TRAPPC3L: variants seen among roughly 807,000 people sequenced by gnomAD.
The protein encoded by TRAPPC3L is trafficking protein particle complex subunit 3-like protein.
In TRAPPC3L, 23 loss-of-function variants were observed where a neutral mutation model predicts 23.7. That is an observed-to-expected ratio of 0.97 (90% confidence interval 0.70 to 1.37). TRAPPC3L has a LOEUF of 1.37. Among genes scored for constraint, TRAPPC3L ranks in the 40% most tolerant of loss-of-function variants. The pLI, the probability that TRAPPC3L is intolerant of heterozygous loss-of-function variation, is 0.00. For missense variants in TRAPPC3L, 212 were observed against 216.8 expected (o/e 0.98, Z 0.14); for synonymous variants, 81 against 77.9 (o/e 1.04, Z -0.21).
intron 3 of TRAPPC3L, among the ~76,000 whole-genome samples, chr6:116,515,402 T>C (rs76462988): frequency 3.8e-4 from 58 of 152,352 alleles, no homozygotes; most frequent in Non-Finnish European, 7.5e-4. Flanking sequence ...AGAGATTAGG[T>C]AAACCCTAAC....
At chr6:116,511,229 A>G (rs1317499574) in intron 3 of TRAPPC3L, among the ~76,000 whole-genome samples, 1 of 149,298 alleles carries the variant, frequency 6.7e-6, no homozygotes, top group Non-Finnish European at 1.5e-5. Context: ...ATATATATGA[A>G]AAAAGACAGC....
Position 116,495,852 on chromosome 6 carries a change from C to T in TRAPPC3L, c.*1102G>A, listed in dbSNP as rs1251333717. Reference sequence around the variant, plus strand: ...GAAATGTCTATTCAGATCTTTTGCCCATCTTTAATTGGATTATTAATTTTA... The same window carrying T: ...GAAATGTCTATTCAGATCTTTTGCCTATCTTTAATTGGATTATTAATTTTA... On this transcript the variant is annotated 3_prime_UTR_variant, in exon 5 of 5. Coordinates refer to ENST00000368602, the MANE Select transcript of TRAPPC3L (RefSeq NM_001139444.3). 9.7e-6 allele frequency: 1 copy of T among 102,676 alleles called. No homozygotes were observed. Among genetic ancestry groups the T allele is most frequent in the African/African-American group, 3.9e-5 (1 of 25,510 alleles). 6.4% of individuals were successfully genotyped at this position (102,676 alleles called of 1,614,324 possible).
At chr6:116,506,380 A>G (rs948756352) in intron 3 of TRAPPC3L, among the ~76,000 whole-genome samples, 4 of 152,222 alleles carry the variant, frequency 2.6e-5, no homozygotes, top group South Asian at 4.1e-4. Flanking sequence ...GCTGGAGAGG[A>G]TGTGGAGAAG....
rs374037363 is a variant in TRAPPC3L, at chr6:116,533,813, G to T, written c.240+6550C>A. ...TCCTGCTGTGAATTGTGACTGGCAG[G>T]GCATAGAATACCCAGTGGCCTTTCC... On this transcript the variant is annotated intron_variant, in intron 3 of 4. Coordinates refer to ENST00000368602, the MANE Select transcript of TRAPPC3L (RefSeq NM_001139444.3). Among the ~76,000 whole-genome samples the T allele has an allele frequency of 1.6e-3, 243 of 152,246 alleles. 1 individual carries two copies. The highest frequency in any genetic ancestry group is 5.6e-3 in the African/African-American group (233 of 41,562).
intron 3 of TRAPPC3L, among the ~76,000 whole-genome samples, chr6:116,537,837 A>T (rs929849719): frequency 2.0e-5 from 3 of 151,926 alleles, no homozygotes; most frequent in African/African-American, 7.3e-5. Context: ...ACTAATTTTT[A>T]TTGAGTAAAT....
At chr6:116,511,162 A>G (rs2115163556) in intron 3 of TRAPPC3L, among the ~76,000 whole-genome samples, 1 of 143,432 alleles carries the variant, frequency 7.0e-6, no homozygotes, top group East Asian at 2.1e-4. Context: ...ACCAAAACCC[A>G]CTTGTGCTCC....
At position 116,496,314 on chromosome 6, in the gene TRAPPC3L, G is replaced by A. The variant is rs1214218228; in HGVS notation, c.*640C>T. ...ATTTCATGAGAAAAGGAAGGAATTT[G>A]GTTGATGCCAGCTATATTAAAACTA... On this transcript the variant is annotated 3_prime_UTR_variant, in exon 5 of 5. Transcript: ENST00000368602. The A allele has an allele frequency of 6.6e-6, 1 of 152,010 alleles. No homozygotes were observed. Among genetic ancestry groups the A allele is most frequent in the Non-Finnish European group, 1.5e-5 (1 of 67,984 alleles). The allele number at this position is 152,010 out of a possible 1,614,324, so 9.4% of individuals were successfully genotyped here.
chr6:116,542,467 T>C (rs1773524278), intron 2 of TRAPPC3L, among the ~76,000 whole-genome samples: 1 of 152,166 alleles, frequency 6.6e-6, no homozygotes, highest in Admixed American at 6.6e-5. Flanking sequence ...AGCTCTAAAA[T>C]GTTAGGCTAA....
At chr6:116,508,400 T>C (rs1772044510) in intron 3 of TRAPPC3L, among the ~76,000 whole-genome samples, 1 of 152,222 alleles carries the variant, frequency 6.6e-6, no homozygotes. Context: ...AGGGAATCTC[T>C]ACATCTATCA....
intron 3 of TRAPPC3L, among the ~76,000 whole-genome samples, chr6:116,513,864 C>T (rs1334762354): frequency 1.3e-5 from 2 of 152,128 alleles, no homozygotes; most frequent in African/African-American, 4.8e-5. Flanking sequence ...AATTGTCTGG[C>T]GTTGGGTTTG....
intron 3 of TRAPPC3L, among the ~76,000 whole-genome samples, chr6:116,506,241 T>G (rs1377037336): frequency 6.6e-6 from 1 of 152,180 alleles, no homozygotes; most frequent in Admixed American, 6.5e-5. Flanking sequence ...AAGACATTTA[T>G]GCAGCCAACA....
At position 116,543,713 on chromosome 6, in the gene TRAPPC3L, T is replaced by A. The variant is rs1773600796; in HGVS notation, c.43-313A>T. 6.8e-6 allele frequency: 7 copies of A among 1,027,046 alleles called. No homozygotes were observed. In the African/African-American group the frequency reaches 9.8e-5, roughly 14 times the overall value. The allele number at this position is 1,027,046 out of a possible 1,614,324, so 63.6% of individuals were successfully genotyped here. On this transcript the variant is annotated intron_variant, in intron 1 of 4. Transcript: ENST00000368602. ...GAGGACAGTTTTTTAAAAATACTAA[T>A]TTCTAACATAAATTTCTGTTTTTCT...
chr6:116,522,082 T>C (rs1211954571), intron 3 of TRAPPC3L: 1 of 152,200 alleles, frequency 6.6e-6, no homozygotes, highest in African/African-American at 2.4e-5. Context: ...ATATTCTAGC[T>C]TAGGGGTCAG....
In TRAPPC3L at chr6:116,545,660, T is replaced by C; in HGVS notation, c.-146A>G. The C allele has an allele frequency of 1.8e-6, 1 of 567,200 alleles. No individual in the cohort carries two copies. The highest frequency in any genetic ancestry group is 2.9e-6 in the Non-Finnish European group (1 of 340,714). The allele number at this position is 567,200 out of a possible 1,614,324, so 35.1% of individuals were successfully genotyped here. A position where few individuals can be genotyped will look rare whatever the true frequency, so the allele number is the denominator to read the frequency against. On this transcript the variant is annotated 5_prime_UTR_variant, in exon 1 of 5. Coordinates refer to ENST00000368602, the MANE Select transcript of TRAPPC3L (RefSeq NM_001139444.3). ...AGTGCTGCTTCTGCACTCTGCTGCTTTTGCTCTTTGCTGAGCTGAAGAGGG... is the reference window on the plus strand; with the variant it reads ...AGTGCTGCTTCTGCACTCTGCTGCTCTTGCTCTTTGCTGAGCTGAAGAGGG...
At chr6:116,498,521 C>T (rs957704812) in intron 4 of TRAPPC3L, among the ~76,000 whole-genome samples, 1 of 152,182 alleles carries the variant, frequency 6.6e-6, no homozygotes, top group Non-Finnish European at 1.5e-5. Context: ...ACTTTGGTTG[C>T]TATCTGGTTC....
intron 3 of TRAPPC3L, chr6:116,521,646 T>A (rs1772345782): frequency 6.6e-6 from 1 of 152,136 alleles, no homozygotes; most frequent in Admixed American, 6.6e-5. Flanking sequence ...GTCCACTGAT[T>A]CAAATGCCAA....
chr6:116,508,721 T>TA lies in TRAPPC3L; in HGVS notation c.241-8056dup, dbSNP rs1255061589. Reference sequence around the variant, plus strand: ...TCTAACACTAGCCAGTTTAGGAAGATAAAAAATGAAAGGGGGAAAGTTGAA... The same window carrying TA: ...TCTAACACTAGCCAGTTTAGGAAGATAAAAAAATGAAAGGGGGAAAGTTGAA... On this transcript the variant is annotated intron_variant, in intron 3 of 4. Coordinates refer to ENST00000368602, the MANE Select transcript of TRAPPC3L (RefSeq NM_001139444.3). Among the ~76,000 whole-genome samples the TA allele has an allele frequency of 8.6e-5, 13 of 151,962 alleles. No individual in the cohort carries two copies. In the East Asian group the frequency reaches 2.1e-3, roughly 25 times the overall value.
chr6:116,505,100 A>T (rs1342542988), intron 3 of TRAPPC3L, among the ~76,000 whole-genome samples: 1 of 152,210 alleles, frequency 6.6e-6, no homozygotes, highest in East Asian at 1.9e-4. Context: ...AGATGACATG[A>T]TTGTATATTT....
intron 3 of TRAPPC3L, among the ~76,000 whole-genome samples, chr6:116,502,079 G>A (rs912152766): frequency 2.6e-4 from 40 of 152,296 alleles, no homozygotes; most frequent in African/African-American, 9.4e-4. Context: ...ACTTCTCCGA[G>A]CTAAAGAAGC....
Sources: gnomAD v4.1 joint callset for allele counts (sites outside exome capture counted in the v4.1 genomes callset) on GRCh38, gnomAD v4.1.1 for gene constraint, MANE v1.5 for transcripts, NCBI Gene and HGNC (gene_info 2026-07-23, HGNC 2026-07-21) for gene names.